CDC42BPA: variants seen among roughly 807,000 people sequenced by gnomAD.
The protein encoded by CDC42BPA is CDC42 binding protein kinase alpha.
In CDC42BPA, 80 loss-of-function variants were observed where a neutral mutation model predicts 223.5. The observed-to-expected ratio is 0.36, with a 90% CI of 0.30 to 0.43. CDC42BPA has a LOEUF of 0.43. CDC42BPA is among the 20% of genes least tolerant of loss of function. The pLI is 1.00. For missense variants in CDC42BPA, 1,743 were observed against 2,099.9 expected, an observed-to-expected ratio of 0.83 and a Z score of 3.32; for synonymous variants, 694 against 718.6, an observed-to-expected ratio of 0.97 and a Z score of 0.55.
chr1:227,298,900 A>C (rs547809680), intron 1 of CDC42BPA, among the ~76,000 whole-genome samples: 1 of 152,334 alleles, frequency 6.6e-6, no homozygotes, highest in East Asian at 1.9e-4. Flanking sequence ...CTGCTCATCT[A>C]TAACTTCACC....
chr1:227,091,596 T>C (rs1439344103), intron 16 of CDC42BPA, among the ~76,000 whole-genome samples: 2 of 126,074 alleles, frequency 1.6e-5, no homozygotes, highest in African/African-American at 3.1e-5. Flanking sequence ...TCTCAGGTAT[T>C]CCTTTATAGT....
At chr1:227,304,328 C>T (rs1439145491) in intron 1 of CDC42BPA, among the ~76,000 whole-genome samples, 2 of 151,970 alleles carry the variant, frequency 1.3e-5, no homozygotes, top group Non-Finnish European at 2.9e-5. Flanking sequence ...ATTGCTTAAA[C>T]CCAGGAGGTA....
intron 34 of CDC42BPA, among the ~76,000 whole-genome samples, chr1:227,014,862 T>C (rs1002022454): frequency 5.3e-5 from 8 of 152,206 alleles, no homozygotes; most frequent in African/African-American, 7.2e-5. Context: ...GGTACTGAAA[T>C]GTACAGAGCC....
chr1:227,060,587 G>C (rs149933592), intron 21 of CDC42BPA, among the ~76,000 whole-genome samples: 5 of 152,060 alleles, frequency 3.3e-5, no homozygotes, highest in South Asian at 2.1e-4. Flanking sequence ...ACCTAGAGGA[G>C]GGAACTTATA....
At chr1:227,059,917 C>T (rs555641495) in intron 21 of CDC42BPA, among the ~76,000 whole-genome samples, 12 of 152,082 alleles carry the variant, frequency 7.9e-5, no homozygotes, top group African/African-American at 2.7e-4. Context: ...TTGAACAATA[C>T]TCCATCCTGA....
chr1:227,025,344 A>T (rs1668064127), intron 31 of CDC42BPA, among the ~76,000 whole-genome samples: 1 of 152,222 alleles, frequency 6.6e-6, no homozygotes, highest in Admixed American at 6.5e-5. Flanking sequence ...ATCTGGCAGT[A>T]TTTACAAGAG....
At chr1:227,025,250 A>T (rs960828587) in intron 31 of CDC42BPA, among the ~76,000 whole-genome samples, 3 of 152,226 alleles carry the variant, frequency 2.0e-5, no homozygotes, top group Admixed American at 6.5e-5. Context: ...CTCAAAAACA[A>T]AAACAAAACA....
At chr1:227,229,550 C>T (rs990120418) in intron 2 of CDC42BPA, among the ~76,000 whole-genome samples, 2 of 152,114 alleles carry the variant, frequency 1.3e-5, no homozygotes, top group African/African-American at 4.8e-5. Context: ...AGAAAGGTAC[C>T]TTGAATTTTT....
At chr1:227,173,309 T>C (rs1384601110) in intron 5 of CDC42BPA, among the ~76,000 whole-genome samples, 1 of 152,178 alleles carries the variant, frequency 6.6e-6, no homozygotes, top group Non-Finnish European at 1.5e-5. Flanking sequence ...ATTATCTGTA[T>C]AGTGAAGGCC....
chr1:227,316,211 G>A (rs4653818), intron 1 of CDC42BPA, among the ~76,000 whole-genome samples: 46,739 of 152,028 alleles, frequency 0.31, 7,367 homozygotes, highest in East Asian at 0.37. Flanking sequence ...TGCCCTGTAT[G>A]TAACAGCAGA....
intron 23 of CDC42BPA, among the ~76,000 whole-genome samples, chr1:227,044,017 TCTTA>T (rs1187280709): frequency 1.3e-5 from 2 of 152,192 alleles, no homozygotes; most frequent in Non-Finnish European, 1.5e-5. Context: ...CATGACGTCA[TCTTA>T]CTTAATTTTA....
At chr1:227,094,010 C>T (rs540411101) in intron 15 of CDC42BPA, among the ~76,000 whole-genome samples, 1 of 152,244 alleles carries the variant, frequency 6.6e-6, no homozygotes, top group South Asian at 2.1e-4. Context: ...AAAAGGGAGG[C>T]CAACTATCTT....
intron 21 of CDC42BPA, among the ~76,000 whole-genome samples, chr1:227,053,143 T>C (rs1673877803): frequency 6.6e-6 from 1 of 152,232 alleles, no homozygotes; most frequent in Admixed American, 6.5e-5. Flanking sequence ...GATATTTTCC[T>C]ATTGATAATT....
At chr1:227,277,734 T>TA (rs1329451803) in intron 1 of CDC42BPA, among the ~76,000 whole-genome samples, 2 of 152,000 alleles carry the variant, frequency 1.3e-5, no homozygotes, top group East Asian at 3.8e-4. Context: ...TAGGAATAGA[T>TA]ATACTGGATA....
At chr1:227,068,870 C>G (rs565620055) in intron 21 of CDC42BPA, 1 of 179,204 alleles carries the variant, frequency 5.6e-6, no homozygotes, top group Non-Finnish European at 1.3e-5. Flanking sequence ...TTAAGAGATT[C>G]ATTAATTACT....
chr1:227,025,229 C>T (rs995219637), intron 31 of CDC42BPA, among the ~76,000 whole-genome samples: 2 of 152,000 alleles, frequency 1.3e-5, no homozygotes, highest in Non-Finnish European at 2.9e-5. Flanking sequence ...GATGACAGAG[C>T]GAGACCCTGT....
At chr1:227,043,468 T>C (rs902813736) in intron 23 of CDC42BPA, among the ~76,000 whole-genome samples, 2 of 152,066 alleles carry the variant, frequency 1.3e-5, no homozygotes, top group African/African-American at 4.8e-5. Context: ...TCTTCCCTTT[T>C]AAAATTTCTA....
At chr1:227,243,393 C>A (rs1680344169) in intron 2 of CDC42BPA, among the ~76,000 whole-genome samples, 1 of 133,494 alleles carries the variant, frequency 7.5e-6, no homozygotes, top group Admixed American at 7.7e-5. Flanking sequence ...ACATAGGGGC[C>A]CAACTTAAAA....
chr1:227,146,772 T>C (rs1338103506), intron 7 of CDC42BPA, among the ~76,000 whole-genome samples: 1 of 152,160 alleles, frequency 6.6e-6, no homozygotes, highest in Non-Finnish European at 1.5e-5. Flanking sequence ...CTACTGAGAA[T>C]GTCATAGGGT....
Sources: allele counts gnomAD v4.1 joint callset (sites outside exome capture counted in the v4.1 genomes callset), GRCh38; gene constraint gnomAD v4.1.1; transcripts MANE v1.5; gene names NCBI Gene and HGNC (gene_info 2026-07-23, HGNC 2026-07-21).